The following MYH9 variants were observed in gnomAD, a reference collection of about 807,000 sequenced individuals.
The protein encoded by MYH9 is myosin heavy chain 9, also known as myosin-9.
In MYH9, 29 loss-of-function variants were observed where a neutral mutation model predicts 241.9. That is an observed-to-expected ratio of 0.12 (90% CI 0.09 to 0.16). MYH9 has a LOEUF of 0.16. Ranked by LOEUF, MYH9 falls within the 10% of genes least tolerant of loss-of-function variation. The pLI is 1.00. For missense variants in MYH9, 1,803 were observed against 2,595.5 expected (o/e 0.69, Z 6.63); for synonymous variants, 1,047 against 1,062.6 (o/e 0.99, Z 0.29).
intron 1 of MYH9, among the ~76,000 whole-genome samples, chr22:36,351,457 G>A (rs1373078995): frequency 6.6e-6 from 1 of 152,160 alleles, no homozygotes; most frequent in Non-Finnish European, 1.5e-5. Flanking sequence ...CTGAGGTCTA[G>A]GGTCTATACC....
chr22:36,295,397 C>T lies in MYH9; in HGVS notation c.3485+108G>A. The stretch of plus-strand genomic sequence containing the variant: ...CCATGCCTGCTGGTGCCTAAGAGGG[C>T]CACGGTGTGTGTGTGTGTGTGTGTG... On this transcript the variant is annotated intron_variant, in intron 26 of 40. Coordinates refer to ENST00000216181, the MANE Select transcript of MYH9 (RefSeq NM_002473.6). The surrounding 1 kb of genome is among the most constrained non-coding windows in gnomAD (Gnocchi z 4.1). 1.1e-6 allele frequency: 1 copy of T among 898,538 alleles called. No individual in the cohort carries two copies. Among genetic ancestry groups the T allele is most frequent in the Non-Finnish European group, 1.8e-6 (1 of 571,230 alleles). The allele number at this position is 898,538 out of a possible 1,614,324, so 55.7% of individuals were successfully genotyped here.
At chr22:36,302,092 A>G (rs548034935) in intron 20 of MYH9, among the ~76,000 whole-genome samples, 10 of 152,344 alleles carry the variant, frequency 6.6e-5, no homozygotes, top group South Asian at 6.2e-4. Flanking sequence ...TATACTGTTT[A>G]CATAGCTGAG....
In MYH9 at chr22:36,306,537, C is replaced by T. The variant is rs746721328; in HGVS notation, c.1914G>A (p.Thr638=). 12 of 1,613,994 alleles carry T rather than the reference C, an allele frequency of 7.4e-6. No homozygotes were observed. In the South Asian group the frequency reaches 7.7e-5, roughly 10 times the overall value. The change falls in exon 16 of 41, where the codon ACG becomes ACA. Residue 638 remains threonine (T), a synonymous_variant. Transcript: ENST00000216181. The surrounding 1 kb of genome is among the most constrained non-coding windows in gnomAD (Gnocchi z 4.1). ...SETALPGAFK[T]RKGMFRTVGQ... is the part of the protein sequence containing the mutation. ...CCACAGTGCGGAACATGCCCTTCCG[C>T]GTCTTGAAGGCCCCGGGCAGTGCGG...
chr22:36,367,355 G>A (rs537601927), intron 1 of MYH9, among the ~76,000 whole-genome samples: 1 of 152,052 alleles, frequency 6.6e-6, no homozygotes, highest in African/African-American at 2.4e-5. Flanking sequence ...AAGGGTGAAC[G>A]GTCTCTCCTC....
At chr22:36,307,818 G>A (rs111957026) in intron 15 of MYH9, among the ~76,000 whole-genome samples, 10,538 of 151,898 alleles carry the variant, frequency 0.069, 1,254 homozygotes, top group African/African-American at 0.24. Context: ...AACCCAGGAG[G>A]CGGAGGTTGC....
At chr22:36,323,221 A>C (rs1447636403) in intron 5 of MYH9, among the ~76,000 whole-genome samples, 1 of 152,258 alleles carries the variant, frequency 6.6e-6, no homozygotes, top group Non-Finnish European at 1.5e-5. Flanking sequence ...CTCACGGGGC[A>C]GGACAGAGCA....
chr22:36,329,588 A>G lies in MYH9; in HGVS notation c.491-2100T>C, dbSNP rs537484730. Among the ~76,000 whole-genome samples the G allele has an allele frequency of 4.6e-5, 7 of 152,354 alleles. No homozygotes were observed. In the South Asian group the frequency reaches 1.5e-3, roughly 32 times the overall value. ...CTGCGAGTGCTGGCAAGTCGTGAGCAGCCAACGGCCCAATGCTACCATAAA... is the reference window on the plus strand; with the variant it reads ...CTGCGAGTGCTGGCAAGTCGTGAGCGGCCAACGGCCCAATGCTACCATAAA... On this transcript the variant is annotated intron_variant, in intron 3 of 40. Transcript: ENST00000216181. The surrounding 1 kb of genome is among the most constrained non-coding windows in gnomAD (Gnocchi z 4.1).
intron 24 of MYH9, 62 bp downstream of exon 24, chr22:36,298,857 C>G (rs892845628): frequency 1.2e-6 from 2 of 1,605,100 alleles, no homozygotes; most frequent in Admixed American, 1.7e-5. Context: ...CAGGCCGGCC[C>G]CTGACCGCCA....
At chr22:36,303,052 G>A (rs865949953) in intron 19 of MYH9, among the ~76,000 whole-genome samples, 5 of 152,148 alleles carry the variant, frequency 3.3e-5, no homozygotes, top group African/African-American at 1.2e-4. Flanking sequence ...CCCACCCTTC[G>A]TGCTGTTCCC....
intron 2 of MYH9, among the ~76,000 whole-genome samples, chr22:36,346,776 T>A (rs572723085): frequency 3.3e-5 from 5 of 152,240 alleles, no homozygotes; most frequent in Admixed American, 6.5e-5. Flanking sequence ...ATCTAATTTT[T>A]TTATTTTTTT....
chr22:36,304,729 C>G (rs924572147), intron 18 of MYH9, among the ~76,000 whole-genome samples: 1 of 152,202 alleles, frequency 6.6e-6, no homozygotes, highest in South Asian at 2.1e-4. Flanking sequence ...GAGTCAGGCC[C>G]GTGAGCAAGA....
rs776104033 is a variant in MYH9 at position 36,306,073 on chromosome 22, T to C, written c.2038-22A>G. On this transcript the variant is annotated intron_variant, in intron 16 of 40. Coordinates refer to ENST00000216181, the MANE Select transcript of MYH9 (RefSeq NM_002473.6). The surrounding 1 kb of genome is among the most constrained non-coding windows in gnomAD (Gnocchi z 4.1). ...CGGCCTGGAGAAGAAAACACATGCA[T>C]GCGGTCTCACTTCCGTGCCTAGAAC... 1.2e-6 allele frequency: 2 copies of C among 1,612,270 alleles called. No homozygotes were observed. Among genetic ancestry groups the C allele is most frequent in the South Asian group, 1.1e-5 (1 of 91,070 alleles).
chr22:36,357,939 C>T (rs2017881027), intron 1 of MYH9, among the ~76,000 whole-genome samples: 1 of 152,186 alleles, frequency 6.6e-6, no homozygotes, highest in South Asian at 2.1e-4. Flanking sequence ...GCAAGAAGCA[C>T]CTTCAGAACC....
At chr22:36,379,883 G>T (rs1382813131) in intron 1 of MYH9, among the ~76,000 whole-genome samples, 1 of 152,246 alleles carries the variant, frequency 6.6e-6, no homozygotes, top group African/African-American at 2.4e-5. Context: ...ATCATCTCAG[G>T]CTCGAGAAGC....
chr22:36,321,203 C>T (rs1195311690), intron 7 of MYH9, among the ~76,000 whole-genome samples: 1 of 152,176 alleles, frequency 6.6e-6, no homozygotes, highest in Non-Finnish European at 1.5e-5. Flanking sequence ...CCTTAGCTTC[C>T]CAAAGTGTTG....
In MYH9 at chr22:36,292,139, C is replaced by T. The variant is rs1464929060; in HGVS notation, c.4191G>A (p.Leu1397=). 6.2e-7 allele frequency: 1 copy of T among 1,614,218 alleles called. No homozygotes were observed. Among genetic ancestry groups the T allele is most frequent in the Admixed American group, 1.7e-5 (1 of 60,030 alleles). ...KRKLQKDLEG[L]SQRHEEKVAA... is the part of the protein sequence containing the mutation. ...CCACCTTCTCCTCGTGCCGCTGGCT[C>T]AGGCCCTCCAGGTCCTTCTGGAGCT... The change falls in exon 31 of 41, where the codon CTG becomes CTA. Residue 1397 remains leucine, a synonymous_variant. Transcript: ENST00000216181.
At chr22:36,325,086 A>G (rs747301462) in intron 5 of MYH9, 2 of 775,138 alleles carry the variant, frequency 2.6e-6, no homozygotes, top group Non-Finnish European at 4.8e-6. Context: ...CAGCTAGAGA[A>G]CTCCTAACCT....
Position 36,348,113 on chromosome 22 carries a change from AAAT to A in MYH9, c.333+788_333+790del, listed in dbSNP as rs67245193. Among the ~76,000 whole-genome samples, 1,184 of 147,922 alleles carry A rather than the reference AAAT, an allele frequency of 8.0e-3. 3 individuals carry two copies. The highest frequency in any genetic ancestry group is 0.013 in the Non-Finnish European group (853 of 66,874). ...TTTAAGATATTTTTTAAAATATTTT[AAAT>A]AATTAAGATATTTTATTTAAAAAAA... On this transcript the variant is annotated intron_variant, in intron 2 of 40. Coordinates refer to ENST00000216181, the MANE Select transcript of MYH9 (RefSeq NM_002473.6).
chr22:36,348,852 C>A (rs1022044355), intron 2 of MYH9, 52 bp downstream of exon 2: 19 of 1,194,910 alleles, frequency 1.6e-5, no homozygotes, highest in Middle Eastern at 2.0e-4. Flanking sequence ...CCCCCCCCCC[C>A]CACCTCGGAG....
Sources: allele counts gnomAD v4.1 joint callset (sites outside exome capture counted in the v4.1 genomes callset), GRCh38; gene constraint gnomAD v4.1.1; non-coding constraint Gnocchi (gnomAD v3.1); transcripts MANE v1.5; gene names NCBI Gene and HGNC (gene_info 2026-07-23, HGNC 2026-07-21).